SPAG16: variants seen among roughly 807,000 people sequenced by gnomAD.
SPAG16 encodes the protein sperm associated antigen 16.
Under a neutral mutation model 80.4 loss-of-function variants are expected in SPAG16, and 86 were observed. That is an observed-to-expected ratio of 1.07 (90% CI 0.90 to 1.28). SPAG16 has a LOEUF of 1.28. Among genes scored for constraint, SPAG16 ranks in the 50% most tolerant of loss-of-function variants. The pLI is 0.00. For synonymous variants in SPAG16, 294 were observed against 265.9 expected (o/e 1.11, Z -1.03); for missense variants, 870 against 765.3 (o/e 1.14, Z -1.61).
chr2:213,599,622 G>A (rs145724188), intron 10 of SPAG16, among the ~76,000 whole-genome samples: 1 of 152,292 alleles, frequency 6.6e-6, no homozygotes, highest in East Asian at 1.9e-4. Context: ...CAAAATATGT[G>A]TTAACCGACT....
intron 15 of SPAG16, among the ~76,000 whole-genome samples, chr2:214,228,743 T>C (rs1688473741): frequency 2.0e-5 from 3 of 151,926 alleles, no homozygotes; most frequent in African/African-American, 7.2e-5. Flanking sequence ...ATTGAGCTTT[T>C]ATCTCTTCAA....
At chr2:213,525,083 T>G (rs1169721742) in intron 10 of SPAG16, among the ~76,000 whole-genome samples, 1 of 152,082 alleles carries the variant, frequency 6.6e-6, no homozygotes, top group Non-Finnish European at 1.5e-5. Flanking sequence ...ACCTCCATGC[T>G]GCTGTTCTCA....
At chr2:213,297,992 A>G (rs558796314) in intron 3 of SPAG16, among the ~76,000 whole-genome samples, 1 of 152,308 alleles carries the variant, frequency 6.6e-6, no homozygotes, top group South Asian at 2.1e-4. Context: ...ACTACAGAGA[A>G]ATGTGAAGGA....
At chr2:213,418,091 T>C (rs1464037542) in intron 9 of SPAG16, among the ~76,000 whole-genome samples, 1 of 152,214 alleles carries the variant, frequency 6.6e-6, no homozygotes, top group Non-Finnish European at 1.5e-5. Context: ...CAGGCTGGTC[T>C]TGAACTCCTG....
intron 10 of SPAG16, among the ~76,000 whole-genome samples, chr2:213,522,451 G>A (rs1198096357): frequency 1.3e-5 from 2 of 152,168 alleles, no homozygotes; most frequent in African/African-American, 2.4e-5. Flanking sequence ...ACTGGGCAGA[G>A]GGAAAAGTGG....
intron 3 of SPAG16, among the ~76,000 whole-genome samples, chr2:213,299,321 G>A (rs186109407): frequency 0.013 from 1,249 of 97,068 alleles, 27 homozygotes; most frequent in African/African-American, 0.047. Flanking sequence ...TTTTTTTTTT[G>A]AGACGGAGTC....
intron 3 of SPAG16, among the ~76,000 whole-genome samples, chr2:213,308,582 T>A (rs2126110190): frequency 6.6e-6 from 1 of 152,256 alleles, no homozygotes; most frequent in East Asian, 1.9e-4. Flanking sequence ...GTGGGGAAGT[T>A]TTCACTTATA....
chr2:213,971,145 C>G (rs2106379990), intron 12 of SPAG16, among the ~76,000 whole-genome samples: 1 of 152,182 alleles, frequency 6.6e-6, no homozygotes, highest in East Asian at 1.9e-4. Context: ...TATTTCAAAA[C>G]TTATGTTTAA....
intron 12 of SPAG16, among the ~76,000 whole-genome samples, chr2:214,002,225 G>A (rs2046824683): frequency 6.6e-6 from 1 of 152,036 alleles, no homozygotes; most frequent in Non-Finnish European, 1.5e-5. Flanking sequence ...ATATATTTGT[G>A]TATTAATAAA....
chr2:213,946,532 T>A (rs2079482008), intron 12 of SPAG16, among the ~76,000 whole-genome samples: 1 of 152,244 alleles, frequency 6.6e-6, no homozygotes, highest in African/African-American at 2.4e-5. Flanking sequence ...TGAATTCGTT[T>A]AAAACTAAGA....
rs774096226 is a variant in SPAG16 at position 213,862,495 on chromosome 2, C to T, written c.1081C>T (p.Gln361Ter). 1.9e-6 allele frequency: 3 copies of T among 1,614,036 alleles called. No individual in the cohort carries two copies. Among genetic ancestry groups the T allele is most frequent in the Non-Finnish European group, 2.5e-6 (3 of 1,179,906 alleles). Reference sequence around the variant, plus strand: ...TTTCTCCTCGCGCAGTGTCTCCATGCAACCCCACAAAGACATCCTAGTCTC... The same window carrying T: ...TTTCTCCTCGCGCAGTGTCTCCATGTAACCCCACAAAGACATCCTAGTCTC... ...HELPVSCVSMQPHKDILVSCG... is the reference protein window; with the variant it reads ...HELPVSCVSM The change falls in exon 11 of 16, where the codon CAA (glutamine) becomes TAA (stop). Residue 361 changes from glutamine to a stop codon, truncating the protein, a stop_gained. Coordinates refer to ENST00000331683, the MANE Select transcript of SPAG16 (RefSeq NM_024532.5). LOFTEE classifies it high-confidence loss of function.
chr2:213,503,998 A>G (rs936136975), intron 10 of SPAG16, among the ~76,000 whole-genome samples: 1 of 152,150 alleles, frequency 6.6e-6, no homozygotes, highest in Non-Finnish European at 1.5e-5. Context: ...TATGGCAGAC[A>G]TGTGGGAGTG....
intron 11 of SPAG16, among the ~76,000 whole-genome samples, chr2:213,869,453 G>T (rs927694421): frequency 6.6e-6 from 1 of 151,306 alleles, no homozygotes; most frequent in Non-Finnish European, 1.5e-5. Context: ...CTGAGCTGCA[G>T]AAGTAGCTGT....
At chr2:213,953,439 T>C (rs1297499655) in intron 12 of SPAG16, among the ~76,000 whole-genome samples, 1 of 151,682 alleles carries the variant, frequency 6.6e-6, no homozygotes, top group African/African-American at 2.4e-5. Flanking sequence ...TCAAAAGAAA[T>C]TCCCAGAGCT....
intron 13 of SPAG16, among the ~76,000 whole-genome samples, chr2:214,037,209 G>A (rs1035491266): frequency 1.4e-5 from 2 of 146,906 alleles, no homozygotes; most frequent in African/African-American, 5.0e-5. Flanking sequence ...TAGATAGTAT[G>A]TATACTTTAA....
chr2:214,258,607 G>T (rs73081101), intron 15 of SPAG16, among the ~76,000 whole-genome samples: 19,120 of 151,626 alleles, frequency 0.13, 1,267 homozygotes, highest in Middle Eastern at 0.23. Context: ...GTAAACATGC[G>T]GGGGCAAGTG....
intron 14 of SPAG16, among the ~76,000 whole-genome samples, chr2:214,126,037 TCCTTCCTTCCTTCCTTCCTTCC>T (rs1559822998): frequency 0.079 from 3,800 of 48,248 alleles, 449 homozygotes; most frequent in Non-Finnish European, 0.1. Context: ...CTTCCTTCCT[TCCTTCCTTCCTTCCTTCCTTCC>T]TTTTTTTTTT....
chr2:214,105,627 T>G (rs2053343685), intron 13 of SPAG16, among the ~76,000 whole-genome samples: 1 of 152,210 alleles, frequency 6.6e-6, no homozygotes, highest in South Asian at 2.1e-4. Context: ...CAATGCATAT[T>G]GGGTCACATT....
At chr2:214,279,474 G>T (rs1238839752) in intron 15 of SPAG16, among the ~76,000 whole-genome samples, 1 of 152,166 alleles carries the variant, frequency 6.6e-6, no homozygotes, top group Non-Finnish European at 1.5e-5. Context: ...GAATTTCTGA[G>T]CCACAACTCG....
Sources: allele counts gnomAD v4.1 joint callset (sites outside exome capture counted in the v4.1 genomes callset), GRCh38; gene constraint gnomAD v4.1.1; transcripts MANE v1.5; gene names NCBI Gene and HGNC (gene_info 2026-07-23, HGNC 2026-07-21).